ANO1: variants seen among roughly 807,000 people sequenced by gnomAD.
ANO1 encodes the protein anoctamin 1.
A neutral mutation model predicts 124.0 loss-of-function variants in ANO1; 59 were observed. The ratio of observed to expected loss-of-function variants is 0.48; its 90% confidence interval spans 0.39 to 0.59. The LOEUF is 0.59. Among genes scored for constraint, ANO1 ranks in the 20% least tolerant of loss-of-function variants. The pLI, the probability that ANO1 is intolerant of heterozygous loss-of-function variation, is 0.00. For synonymous variants in ANO1, 529 were observed against 532.0 expected, an observed-to-expected ratio of 0.99 and a Z score of 0.08; for missense variants, 1,059 against 1,328.0, an observed-to-expected ratio of 0.80 and a Z score of 3.15.
At chr11:70,166,704 C>T (rs1387526745) in intron 20 of ANO1, among the ~76,000 whole-genome samples, 2 of 152,142 alleles carry the variant, frequency 1.3e-5, no homozygotes, top group South Asian at 2.1e-4. Context: ...CACAAGTGGT[C>T]GTTTGCCCTC....
chr11:70,006,631 T>C (rs1833153027), intron 1 of ANO1, among the ~76,000 whole-genome samples: 1 of 151,002 alleles, frequency 6.6e-6, no homozygotes, highest in African/African-American at 2.4e-5. Context: ...CTTTCTTCTT[T>C]CTTTTCTTTC....
chr11:70,049,450 C>A (rs976619814), intron 1 of ANO1, among the ~76,000 whole-genome samples: 2 of 152,208 alleles, frequency 1.3e-5, no homozygotes, highest in African/African-American at 4.8e-5. Flanking sequence ...CCAGAACAAC[C>A]AGCATGAAGT....
intron 19 of ANO1, among the ~76,000 whole-genome samples, chr11:70,163,780 C>T (rs975120977): frequency 2.6e-5 from 4 of 151,764 alleles, no homozygotes; most frequent in South Asian, 2.1e-4. Context: ...CTACTAAAAA[C>T]GCAAAAAATT....
chr11:70,038,366 G>A lies in ANO1; in HGVS notation c.59-40176G>A, dbSNP rs146557459. 3.9e-3 allele frequency among the ~76,000 whole-genome samples: 590 copies of A among 152,200 alleles called. 4 individuals are homozygous for A. Among genetic ancestry groups the A allele is most frequent in the Non-Finnish European group, 5.4e-3 (367 of 68,012 alleles). On this transcript the variant is annotated intron_variant, in intron 1 of 27. Coordinates refer to the ANO1 transcript ENST00000531349. The stretch of plus-strand genomic sequence containing the variant: ...AGCTTAGAATGTGAGGTCCCATTCC[G>A]ACCAATGGAAATGTGACACAGCCAT...
chr11:70,058,618 T>C (rs1208553436), intron 1 of ANO1, among the ~76,000 whole-genome samples: 1 of 152,136 alleles, frequency 6.6e-6, no homozygotes, highest in East Asian at 1.9e-4. Context: ...TGGAACAAGG[T>C]TGGGGCCAAG....
At chr11:69,967,362 C>A in the ANO1 span, among the ~76,000 whole-genome samples, 1 of 152,208 alleles carries the variant, frequency 6.6e-6, no homozygotes, top group Non-Finnish European at 1.5e-5. Flanking sequence ...TAGCATCAGG[C>A]TCTGAGCGTA....
intron 6 of ANO1, among the ~76,000 whole-genome samples, chr11:70,111,486 G>C (rs1183887414): frequency 6.6e-6 from 1 of 152,164 alleles, no homozygotes; most frequent in Non-Finnish European, 1.5e-5. Context: ...TGCCAATCGA[G>C]CATGTGTTTC....
chr11:70,155,890 C>T, intron 14 of ANO1, 21 bp from the exon 15 acceptor site: 1 of 1,538,956 alleles, frequency 6.5e-7, no homozygotes, highest in Non-Finnish European at 8.8e-7. Context: ...ACGGTGCTCT[C>T]TTTCCCCCAC....
chr11:69,991,458 C>A (rs872839), intron 1 of ANO1, among the ~76,000 whole-genome samples: 5 of 151,962 alleles, frequency 3.3e-5, no homozygotes, highest in Non-Finnish European at 7.4e-5. Context: ...GAGGAGCCTG[C>A]CCCCCTGTCC....
intron 22 of ANO1, among the ~76,000 whole-genome samples, chr11:70,178,052 G>GGCTT (rs2048794189): frequency 6.6e-6 from 1 of 152,222 alleles, no homozygotes; most frequent in South Asian, 2.1e-4. Flanking sequence ...GGTTGGAAAG[G>GGCTT]GCTTTCTGCA....
intron 11 of ANO1, among the ~76,000 whole-genome samples, chr11:70,145,558 C>A (rs1031059440): frequency 1.3e-5 from 2 of 152,126 alleles, no homozygotes; most frequent in African/African-American, 4.8e-5. Context: ...AGGCTCCAGT[C>A]TGGGTCCTGG....
Position 70,108,366 on chromosome 11 carries a change from T to C in ANO1, c.761T>C (p.Leu254Ser). ...KTRSTIVYEI[L>S]KRTTCTKAKY... ...TCTCTGCAATAGGTCTATGAGATCT[T>C]GAAGAGAACGACGTGTACAAAGGCC... Residue 254 changes from leucine to serine, a missense_variant, in exon 6 of 26, where the codon TTG becomes TCG. This residue lies in a region of ANO1 where 809 missense variants were observed against 1,094.9 expected (regional missense o/e 0.74). Coordinates refer to ENST00000355303, the MANE Select transcript of ANO1 (RefSeq NM_018043.7). The C allele has an allele frequency of 1.9e-6, 3 of 1,612,298 alleles. No individual in the cohort carries two copies. The highest frequency in any genetic ancestry group is 1.7e-6 in the Non-Finnish European group (2 of 1,178,664).
At chr11:69,997,877 T>A (rs889150843) in intron 1 of ANO1, among the ~76,000 whole-genome samples, 44 of 152,086 alleles carry the variant, frequency 2.9e-4, no homozygotes, top group African/African-American at 1.0e-3. Flanking sequence ...CCCTGAGGCC[T>A]CCCCAGAAGC....
chr11:70,127,334 G>A (rs557935583), intron 10 of ANO1, among the ~76,000 whole-genome samples: 8 of 152,254 alleles, frequency 5.3e-5, no homozygotes, highest in Admixed American at 3.3e-4. Flanking sequence ...TTATCTGCAC[G>A]GCCCCGAGAA....
rs186145898 is a variant in ANO1 at position 70,004,112 on chromosome 11, C to T, written c.58+17946C>T. On this transcript the variant is annotated intron_variant, in intron 1 of 27. Coordinates refer to the ANO1 transcript ENST00000531349. ...CCCACCAGGGGCTCCTTCAGCGGCC[C>T]CCAAAGCCCCAGGTCCTCACACAGT... 5.4e-3 allele frequency among the ~76,000 whole-genome samples: 817 copies of T among 152,272 alleles called. 10 individuals carry two copies. Among genetic ancestry groups the T allele is most frequent in the African/African-American group, 0.019 (783 of 41,550 alleles).
At chr11:70,161,856 CAA>C in intron 18 of ANO1, 123 bp downstream of exon 18, 1 of 895,930 alleles carries the variant, frequency 1.1e-6, no homozygotes, top group East Asian at 2.4e-5. Context: ...CACCCGCAGC[CAA>C]AGAGGGTCAG....
chr11:70,156,834 T>G (rs1565258958), intron 15 of ANO1, 113 bp from the exon 16 acceptor site: 1 of 870,214 alleles, frequency 1.1e-6, no homozygotes, highest in East Asian at 2.7e-5. Flanking sequence ...AGTATTTCTG[T>G]TGTTCAAGTT....
chr11:70,179,945 G>A (rs995892278), intron 22 of ANO1, 59 bp from the exon 23 acceptor site: 7 of 1,517,476 alleles, frequency 4.6e-6, no homozygotes, highest in Non-Finnish European at 5.5e-6. Context: ...CTGCTGCCTG[G>A]TAGCTGGAAT....
At chr11:70,122,217 G>C (rs1430837211) in intron 8 of ANO1, among the ~76,000 whole-genome samples, 4 of 86,696 alleles carry the variant, frequency 4.6e-5, no homozygotes, top group African/African-American at 9.6e-5. Context: ...CTCTGTCTCT[G>C]TCTCTCTCTC....
Sources: gnomAD v4.1 joint callset for allele counts (sites outside exome capture counted in the v4.1 genomes callset) on GRCh38, gnomAD v4.1.1 for gene constraint, gnomAD v4.1.1 regional missense constraint, MANE v1.5 for transcripts, NCBI Gene and HGNC (gene_info 2026-07-23, HGNC 2026-07-21) for gene names.